Variants in UBE2R2 observed in about 807,000 individuals in gnomAD.
The protein encoded by UBE2R2 is ubiquitin conjugating enzyme E2 R2, also known as ubiquitin-conjugating enzyme E2 R2.
UBE2R2 carries 1 observed loss-of-function variant against 27.8 expected under a neutral mutation model. The ratio of observed to expected loss-of-function variants is 0.04; its 90% CI spans 0.01 to 0.17. The LOEUF is 0.17. Ranked by LOEUF, UBE2R2 falls within the 10% of genes least tolerant of loss-of-function variation. The pLI, the probability that UBE2R2 is intolerant of heterozygous loss-of-function variation, is 1.00. For missense variants in UBE2R2, 100 were observed against 291.0 expected (o/e 0.34, Z 4.78); for synonymous variants, 106 against 113.3 (o/e 0.94, Z 0.41).
upstream of UBE2R2, among the ~76,000 whole-genome samples, chr9:33,815,785 T>C (rs1401566372): frequency 6.6e-6 from 1 of 152,154 alleles, no homozygotes; most frequent in East Asian, 1.9e-4. Flanking sequence ...AATACAGCTA[T>C]GCCTTAAAGT....
At chr9:33,838,208 C>T (rs1378322023) in intron 1 of UBE2R2, among the ~76,000 whole-genome samples, 1 of 150,516 alleles carries the variant, frequency 6.6e-6, no homozygotes, top group Non-Finnish European at 1.5e-5. Context: ...GGCTGGAGTG[C>T]AGTGGCAGTC....
intron 1 of UBE2R2, among the ~76,000 whole-genome samples, chr9:33,856,753 C>T (rs1211031096): frequency 2.0e-5 from 3 of 150,342 alleles, no homozygotes; most frequent in African/African-American, 4.9e-5. Context: ...TTGTCATTCT[C>T]ATCTGTAATT....
At chr9:33,820,415 T>A (rs778213404) in intron 1 of UBE2R2, among the ~76,000 whole-genome samples, 1 of 152,244 alleles carries the variant, frequency 6.6e-6, no homozygotes, top group Non-Finnish European at 1.5e-5. Context: ...GTGAGAAGTT[T>A]GTTCGATTGT....
At chr9:33,905,703 A>G (rs938462682) in intron 3 of UBE2R2, among the ~76,000 whole-genome samples, 1 of 152,206 alleles carries the variant, frequency 6.6e-6, no homozygotes, top group South Asian at 2.1e-4. Context: ...TCCCTATCAT[A>G]ACAGGCTTCT....
intron 1 of UBE2R2, among the ~76,000 whole-genome samples, chr9:33,852,654 C>T (rs533783790): frequency 6.6e-6 from 1 of 152,222 alleles, no homozygotes; most frequent in South Asian, 2.1e-4. Flanking sequence ...CTGTGAGGGC[C>T]ATACTGAATG....
intron 1 of UBE2R2, among the ~76,000 whole-genome samples, chr9:33,831,859 C>G (rs1820491417): frequency 6.6e-6 from 1 of 151,742 alleles, no homozygotes; most frequent in African/African-American, 2.4e-5. Flanking sequence ...TGGGGTTTTT[C>G]CATGTTGATC....
chr9:33,841,921 C>T (rs551016475), intron 1 of UBE2R2, among the ~76,000 whole-genome samples: 10 of 152,168 alleles, frequency 6.6e-5, no homozygotes, highest in East Asian at 1.9e-4. Context: ...CATCACCCCC[C>T]GACATCATCA....
At chr9:33,828,998 G>A (rs949148901) in intron 1 of UBE2R2, among the ~76,000 whole-genome samples, 1 of 152,016 alleles carries the variant, frequency 6.6e-6, no homozygotes, top group Non-Finnish European at 1.5e-5. Flanking sequence ...GCCTCCCAAA[G>A]TTCTGGGATT....
At chr9:33,911,050 G>A (rs568847471) in intron 3 of UBE2R2, among the ~76,000 whole-genome samples, 40 of 152,186 alleles carry the variant, frequency 2.6e-4, no homozygotes, top group Admixed American at 3.9e-4. Context: ...GTTACAGTGA[G>A]CTGAGATGGC....
At chr9:33,875,430 C>G (rs1821582400) in intron 1 of UBE2R2, among the ~76,000 whole-genome samples, 1 of 151,924 alleles carries the variant, frequency 6.6e-6, no homozygotes, top group Non-Finnish European at 1.5e-5. Context: ...ATGATTTAAC[C>G]TTTGATTTGA....
chr9:33,852,586 G>C (rs554261925), intron 1 of UBE2R2, among the ~76,000 whole-genome samples: 1 of 152,298 alleles, frequency 6.6e-6, no homozygotes, highest in South Asian at 2.1e-4. Flanking sequence ...CCCATTCTTT[G>C]CTTCCTTGCT....
intron 2 of UBE2R2, among the ~76,000 whole-genome samples, chr9:33,898,370 A>G (rs1184118454): frequency 2.0e-5 from 3 of 152,120 alleles, no homozygotes; most frequent in Non-Finnish European, 4.4e-5. Context: ...GTGAGCCACC[A>G]TGCCTGGCCT....
At chr9:33,908,428 G>A (rs1046424331) in intron 3 of UBE2R2, among the ~76,000 whole-genome samples, 44 of 152,112 alleles carry the variant, frequency 2.9e-4, no homozygotes, top group Admixed American at 9.2e-4. Flanking sequence ...AGGAGGTGTG[G>A]CACAATGGTA....
At chr9:33,894,511 G>A (rs567892992) in intron 2 of UBE2R2, among the ~76,000 whole-genome samples, 1 of 152,106 alleles carries the variant, frequency 6.6e-6, no homozygotes, top group East Asian at 1.9e-4. Context: ...ATGGCTCACT[G>A]CAGCCTCAAA....
chr9:33,887,055 C>G (rs1408059344), intron 2 of UBE2R2, 88 bp downstream of exon 2: 5 of 1,070,892 alleles, frequency 4.7e-6, no homozygotes, highest in Non-Finnish European at 6.8e-6. Flanking sequence ...CACTTTGATA[C>G]TTAGGCTTTT....
At chr9:33,889,832 C>T (rs1260022017) in intron 2 of UBE2R2, among the ~76,000 whole-genome samples, 1 of 152,014 alleles carries the variant, frequency 6.6e-6, no homozygotes, top group Non-Finnish European at 1.5e-5. Context: ...TACAGGTGTG[C>T]ACCACCACAC....
chr9:33,817,288 C>T lies in UBE2R2; in HGVS notation c.-470C>T, dbSNP rs1375221399. ...CCCCCGCACGCCGCTCTCCCCCCAC[C>T]CTCTCCTGCCCCGCGCGCCCTCCGG... On this transcript the variant is annotated 5_prime_UTR_variant, in exon 1 of 5. Transcript: ENST00000263228. Among the ~76,000 whole-genome samples the T allele has an allele frequency of 1.3e-5, 2 of 150,248 alleles. No individual in the cohort carries two copies. Among genetic ancestry groups the T allele is most frequent in the Non-Finnish European group, 3.0e-5 (2 of 67,216 alleles).
intron 1 of UBE2R2, among the ~76,000 whole-genome samples, chr9:33,826,599 G>A (rs1820320514): frequency 6.7e-6 from 1 of 149,192 alleles, no homozygotes; most frequent in South Asian, 2.2e-4. Flanking sequence ...CCGGGAGGCT[G>A]AGGCAGGAGA....
intron 1 of UBE2R2, among the ~76,000 whole-genome samples, chr9:33,886,611 C>T (rs1371467446): frequency 2.1e-5 from 3 of 145,254 alleles, no homozygotes; most frequent in African/African-American, 7.7e-5. Flanking sequence ...GCTGAGGTCA[C>T]GTCACTGCAC....
Sources: gnomAD v4.1 joint callset for allele counts (sites outside exome capture counted in the v4.1 genomes callset) on GRCh38, gnomAD v4.1.1 for gene constraint, MANE v1.5 for transcripts, NCBI Gene and HGNC (gene_info 2026-07-23, HGNC 2026-07-21) for gene names.